ANOS1: variants seen among roughly 807,000 people sequenced by gnomAD.
The protein encoded by ANOS1 is anosmin 1.
A neutral mutation model predicts 59.0 loss-of-function variants in ANOS1; 6 were observed. The observed-to-expected ratio is 0.10, with a 90% CI of 0.06 to 0.20. The LOEUF (loss-of-function observed/expected upper bound fraction) is 0.20. Among genes scored for constraint, ANOS1 ranks in the 10% least tolerant of loss-of-function variants. ANOS1 has a pLI of 1.00. For synonymous variants in ANOS1, 217 were observed against 223.4 expected (o/e 0.97, Z 0.25); for missense variants, 433 against 542.3 (o/e 0.80, Z 2.00).
intron 6 of ANOS1, among the ~76,000 whole-genome samples, chrX:8,573,133 C>T (rs1930262564): frequency 1.9e-5 from 2 of 103,410 alleles, no homozygotes; most frequent in African/African-American, 7.2e-5. Context: ...GATCTTGGCT[C>T]GCTGCAACCT....
intron 8 of ANOS1, among the ~76,000 whole-genome samples, chrX:8,555,775 G>A (rs1018883889): frequency 8.9e-6 from 1 of 112,374 alleles, no homozygotes; most frequent in Non-Finnish European, 1.9e-5. Flanking sequence ...ACAAACAGGA[G>A]CTGGTATCAT....
At chrX:8,538,271 A>G (rs887275481) in intron 10 of ANOS1, among the ~76,000 whole-genome samples, 3 of 112,470 alleles carry the variant, frequency 2.7e-5, no homozygotes, top group Non-Finnish European at 5.6e-5. Context: ...CAGATATTTC[A>G]AGATTGTTTT....
At chrX:8,534,051 G>A (rs1232168672) in intron 13 of ANOS1, among the ~76,000 whole-genome samples, 1 of 108,377 alleles carries the variant, frequency 9.2e-6, no homozygotes, top group Non-Finnish European at 1.9e-5. Context: ...AAACAAGGAA[G>A]GAGCAAAGAA....
intron 3 of ANOS1, among the ~76,000 whole-genome samples, chrX:8,609,766 G>C (rs1251393973): frequency 9.1e-6 from 1 of 110,320 alleles, no homozygotes; most frequent in Non-Finnish European, 1.9e-5. Context: ...CCAGCACTTT[G>C]GGAGGCCAAG....
chrX:8,585,444 C>T (rs374959230), intron 5 of ANOS1, 48 bp from the exon 6 acceptor site: 89 of 1,191,636 alleles, frequency 7.5e-5, no homozygotes, highest in Non-Finnish European at 9.6e-5. Flanking sequence ...CTTTTTATTC[C>T]GACATGTTAG....
At chrX:8,688,903 T>C (rs1423135514) in intron 2 of ANOS1, among the ~76,000 whole-genome samples, 1 of 111,862 alleles carries the variant, frequency 8.9e-6, no homozygotes, top group Non-Finnish European at 1.9e-5. Context: ...ATAAAAGTTC[T>C]CAGCGTGAGG....
chrX:8,539,260 A>G lies in ANOS1; in HGVS notation c.1449+404T>C, dbSNP rs532795650. Among the ~76,000 whole-genome samples the G allele has an allele frequency of 3.6e-4, 40 of 111,357 alleles. No individual in the cohort carries two copies. The South Asian group carries it at 8.9e-3, about 25-fold the overall frequency. ...ATGGCAGTTAGGGACATGGTGCTCAATGATAGAGTCACATAGAAATCCACT... is the reference window on the plus strand; with the variant it reads ...ATGGCAGTTAGGGACATGGTGCTCAGTGATAGAGTCACATAGAAATCCACT... On this transcript the variant is annotated intron_variant, in intron 10 of 13. Transcript: ENST00000262648.
chrX:8,685,883 C>A, intron 2 of ANOS1, among the ~76,000 whole-genome samples: 1 of 111,720 alleles, frequency 9.0e-6, no homozygotes, highest in South Asian at 3.8e-4. Context: ...AAAGACGATT[C>A]TTTGACCTCT....
intron 2 of ANOS1, among the ~76,000 whole-genome samples, chrX:8,654,603 C>T (rs1487342565): frequency 1.8e-5 from 2 of 112,315 alleles, no homozygotes; most frequent in Non-Finnish European, 3.8e-5. Flanking sequence ...GAGCCTTTAA[C>T]GTCTCCAAGA....
At chrX:8,584,230 T>A (rs1930471379) in intron 6 of ANOS1, among the ~76,000 whole-genome samples, 1 of 111,831 alleles carries the variant, frequency 8.9e-6, no homozygotes, top group South Asian at 3.7e-4. Flanking sequence ...TTCTGAGGCT[T>A]TTTATTGATA....
intron 4 of ANOS1, among the ~76,000 whole-genome samples, chrX:8,588,362 A>G (rs778728103): frequency 3.0e-4 from 33 of 111,578 alleles, no homozygotes; most frequent in African/African-American, 1.1e-3. Context: ...ATCATTATAA[A>G]GAGTTTCAAG....
At chrX:8,653,330 T>C (rs901233171) in intron 2 of ANOS1, among the ~76,000 whole-genome samples, 6 of 111,621 alleles carry the variant, frequency 5.4e-5, no homozygotes, top group Non-Finnish European at 1.1e-4. Flanking sequence ...CCTGTAGCTA[T>C]TGGAACAGGT....
intron 2 of ANOS1, among the ~76,000 whole-genome samples, chrX:8,637,086 G>A (rs1931585192): frequency 8.9e-6 from 1 of 112,176 alleles, no homozygotes; most frequent in African/African-American, 3.2e-5. Flanking sequence ...TGTGGCCAAT[G>A]GAATTCCATC....
intron 1 of ANOS1, among the ~76,000 whole-genome samples, chrX:8,717,515 T>C (rs941189674): frequency 2.7e-5 from 3 of 111,409 alleles, no homozygotes; most frequent in Non-Finnish European, 5.7e-5. Flanking sequence ...CTCTACTTTC[T>C]TTTAAATTCT....
chrX:8,631,441 A>AGAG (rs77268818), intron 2 of ANOS1, among the ~76,000 whole-genome samples: 11,273 of 111,806 alleles, frequency 0.1, 785 homozygotes, highest in South Asian at 0.25. Context: ...AGATACAGAT[A>AGAG]AAGAGGTACA....
At chrX:8,700,016 G>C (rs1252335527) in intron 1 of ANOS1, among the ~76,000 whole-genome samples, 1 of 112,057 alleles carries the variant, frequency 8.9e-6, no homozygotes, top group African/African-American at 3.2e-5. Context: ...AGGCAACTTT[G>C]ATGGTGTGTT....
chrX:8,551,887 C>T (rs188918841), intron 9 of ANOS1, among the ~76,000 whole-genome samples: 224 of 112,297 alleles, frequency 2.0e-3, no homozygotes, highest in African/African-American at 6.9e-3. Flanking sequence ...GCGGGAGAAT[C>T]GCTTGAACCT....
chrX:8,649,537 C>T (rs767783723), intron 2 of ANOS1, among the ~76,000 whole-genome samples: 7 of 111,969 alleles, frequency 6.3e-5, no homozygotes, highest in African/African-American at 9.7e-5. Context: ...TGTTGCCATA[C>T]GCCTTATTAT....
chrX:8,674,731 G>C (rs1263414801), intron 2 of ANOS1, among the ~76,000 whole-genome samples: 1 of 112,505 alleles, frequency 8.9e-6, no homozygotes, highest in African/African-American at 3.2e-5. Context: ...AGATCTTAGG[G>C]AAACAGAAGG....
Sources: gnomAD v4.1 joint callset for allele counts (sites outside exome capture counted in the v4.1 genomes callset) on GRCh38, gnomAD v4.1.1 for gene constraint, MANE v1.5 for transcripts, NCBI Gene and HGNC (gene_info 2026-07-23, HGNC 2026-07-21) for gene names.